Variants in SPECC1L observed in about 807,000 individuals in gnomAD.
SPECC1L encodes sperm antigen with calponin homology and coiled-coil domains 1 like, also known as cytospin-A.
SPECC1L carries 40 observed loss-of-function variants against 116.8 expected under a neutral mutation model. That is an observed-to-expected ratio of 0.34 (90% CI 0.27 to 0.45). SPECC1L has a LOEUF of 0.45. SPECC1L is among the 20% of genes least tolerant of loss of function. The pLI is 1.00. For synonymous variants in SPECC1L, 504 were observed against 500.6 expected (o/e 1.01, Z -0.09); for missense variants, 1,110 against 1,373.6 (o/e 0.81, Z 3.03).
intron 14 of SPECC1L, among the ~76,000 whole-genome samples, chr22:24,378,025 A>G (rs2042001947): frequency 6.6e-6 from 1 of 152,220 alleles, no homozygotes; most frequent in South Asian, 2.1e-4. Context: ...TGTAGCTATG[A>G]AAGTCCTAGA....
rs75109778 is a variant in SPECC1L, at chr22:24,328,002, G to T, written c.2147-844G>T. On this transcript the variant is annotated intron_variant, in intron 6 of 16. Transcript: ENST00000314328. ...CCTTTCTTGCCCTTAACCAAAAAGT[G>T]ATTGGTTCCTGAGCTGTCAAAGTAA... 9.5e-3 allele frequency among the ~76,000 whole-genome samples: 1,454 copies of T among 152,304 alleles called. 23 individuals carry two copies. Among genetic ancestry groups the T allele is most frequent in the African/African-American group, 0.033 (1,386 of 41,556 alleles).
At chr22:24,386,083 AT>A (rs1488312490) in intron 14 of SPECC1L, among the ~76,000 whole-genome samples, 1 of 151,740 alleles carries the variant, frequency 6.6e-6, no homozygotes, top group Non-Finnish European at 1.5e-5. Flanking sequence ...GAACAAAAGC[AT>A]TTGATAAAAT....
chr22:24,282,014 A>G (rs1237828136), intron 2 of SPECC1L, among the ~76,000 whole-genome samples: 2 of 152,222 alleles, frequency 1.3e-5, no homozygotes, highest in Admixed American at 1.3e-4. Context: ...ACAGCTTGGT[A>G]GGTGGGGGGA....
At chr22:24,331,546 A>T (rs551008329) in intron 8 of SPECC1L, among the ~76,000 whole-genome samples, 2 of 152,352 alleles carry the variant, frequency 1.3e-5, no homozygotes, top group African/African-American at 4.8e-5. Context: ...TCAAAAATTC[A>T]TAAGACTTTG....
intron 10 of SPECC1L, 115 bp from the exon 11 acceptor site, chr22:24,346,971 G>A (rs1434179213): frequency 6.0e-6 from 5 of 831,348 alleles, no homozygotes; most frequent in Non-Finnish European, 8.2e-6. Flanking sequence ...CCTTACTATA[G>A]CAGTATGGAA....
chr22:24,287,290 G>T (rs938553007), intron 2 of SPECC1L, among the ~76,000 whole-genome samples: 5 of 152,218 alleles, frequency 3.3e-5, no homozygotes, highest in African/African-American at 1.2e-4. Flanking sequence ...TATCGGCGCT[G>T]GGGTATTTGG....
At chr22:24,296,145 T>A (rs545853516) in intron 2 of SPECC1L, among the ~76,000 whole-genome samples, 1 of 152,286 alleles carries the variant, frequency 6.6e-6, no homozygotes, top group South Asian at 2.1e-4. Flanking sequence ...AGAAGTGAAG[T>A]GAGGTTTGAA....
intron 6 of SPECC1L, among the ~76,000 whole-genome samples, chr22:24,325,581 A>ATTTATTTATT (rs1569421899): frequency 3.2e-4 from 46 of 144,020 alleles, no homozygotes; most frequent in African/African-American, 1.1e-3. Flanking sequence ...ATTTATTTAT[A>ATTTATTTATT]AGAGGTGACA....
chr22:24,410,177 T>TG (rs1270752047), intron 14 of SPECC1L, among the ~76,000 whole-genome samples: 2 of 152,134 alleles, frequency 1.3e-5, no homozygotes, highest in African/African-American at 4.8e-5. Flanking sequence ...TTTTCGGAGA[T>TG]GGGGGGGATC....
chr22:24,388,904 A>G (rs1245158622), intron 14 of SPECC1L, among the ~76,000 whole-genome samples: 2 of 152,172 alleles, frequency 1.3e-5, no homozygotes, highest in Non-Finnish European at 2.9e-5. Context: ...GTATATGCAC[A>G]GAGTTGTATA....
intron 14 of SPECC1L, among the ~76,000 whole-genome samples, chr22:24,409,894 GCAC>G (rs2042660395): frequency 3.9e-5 from 6 of 152,142 alleles, no homozygotes; most frequent in Non-Finnish European, 7.3e-5. Flanking sequence ...GGACGTGGTA[GCAC>G]GTACCAGCCT....
chr22:24,330,218 C>T (rs1431119412), intron 7 of SPECC1L, 38 bp from the exon 8 acceptor site: 2 of 1,603,400 alleles, frequency 1.2e-6, no homozygotes, highest in African/African-American at 1.3e-5. Context: ...ATCTTGATTG[C>T]TCTCTTTTGG....
chr22:24,288,981 G>T (rs1054479682), intron 2 of SPECC1L, among the ~76,000 whole-genome samples: 1 of 152,142 alleles, frequency 6.6e-6, no homozygotes. Context: ...CATTAATGAA[G>T]TGCAAAATGA....
At chr22:24,291,503 TA>T (rs1445068818) in intron 2 of SPECC1L, among the ~76,000 whole-genome samples, 2 of 106,266 alleles carry the variant, frequency 1.9e-5, no homozygotes, top group East Asian at 6.6e-4. Context: ...GTATATAATC[TA>T]ATATAAGTAG....
At chr22:24,400,828 A>G (rs1374867344) in intron 14 of SPECC1L, among the ~76,000 whole-genome samples, 1 of 152,112 alleles carries the variant, frequency 6.6e-6, no homozygotes, top group Non-Finnish European at 1.5e-5. Context: ...GAGCCTTCTC[A>G]TGTGCTTGTT....
At chr22:24,281,168 T>G (rs1484936060) in intron 2 of SPECC1L, among the ~76,000 whole-genome samples, 2 of 152,242 alleles carry the variant, frequency 1.3e-5, no homozygotes, top group Non-Finnish European at 2.9e-5. Context: ...CCTGGAAGCA[T>G]CTGAGTTTTT....
chr22:24,373,976 C>T (rs2041920916), intron 14 of SPECC1L, among the ~76,000 whole-genome samples: 1 of 152,120 alleles, frequency 6.6e-6, no homozygotes. Flanking sequence ...TGAACAGACA[C>T]TTCTCAAAAG....
rs368370120 is a variant in SPECC1L at position 24,359,937 on chromosome 22, C to T, written c.2744-3324C>T. Reference sequence around the variant, plus strand: ...ACTTGTTTTTTCTTAGCATCCCTCACTCGTAATGACTTTTTGAATGCTTGC... The same window carrying T: ...ACTTGTTTTTTCTTAGCATCCCTCATTCGTAATGACTTTTTGAATGCTTGC... On this transcript the variant is annotated intron_variant, in intron 11 of 16. Coordinates refer to ENST00000314328, the MANE Select transcript of SPECC1L (RefSeq NM_015330.6). 1.2e-4 allele frequency among the ~76,000 whole-genome samples: 18 copies of T among 152,304 alleles called. No homozygotes were observed. The East Asian group carries it at 3.3e-3, about 28-fold the overall frequency.
At position 24,321,842 on chromosome 22, in the gene SPECC1L, CTGTT is replaced by C; in HGVS notation, c.865_868del (p.Phe289AlafsTer5). ...GCAGAGGTTAGACAATTCTGAAAAA[CTGTT>C]TGGCTATCAGTCCCTGAGCCCAGAA... On this transcript the variant is annotated frameshift_variant, in exon 5 of 17. Transcript: ENST00000314328. LOFTEE classifies it high-confidence loss of function. 1 of 1,614,218 alleles carries C rather than the reference CTGTT, an allele frequency of 6.2e-7. No homozygotes were observed. Among genetic ancestry groups the C allele is most frequent in the South Asian group, 1.1e-5 (1 of 91,086 alleles).
Sources: gnomAD v4.1 joint callset for allele counts (sites outside exome capture counted in the v4.1 genomes callset) on GRCh38, gnomAD v4.1.1 for gene constraint, MANE v1.5 for transcripts, NCBI Gene and HGNC (gene_info 2026-07-23, HGNC 2026-07-21) for gene names.